ERBB4: variants seen among roughly 807,000 people sequenced by gnomAD.
The protein encoded by ERBB4 is receptor tyrosine-protein kinase erbB-4.
In ERBB4, 42 loss-of-function variants were observed where a neutral mutation model predicts 158.0. The observed-to-expected ratio is 0.27, with a 90% CI of 0.21 to 0.34. The LOEUF is 0.34. Ranked by LOEUF, ERBB4 falls within the 10% of genes least tolerant of loss-of-function variation. The pLI is 1.00. For missense variants in ERBB4, 1,333 were observed against 1,624.1 expected, an observed-to-expected ratio of 0.82 and a Z score of 3.08; for synonymous variants, 583 against 558.7, an observed-to-expected ratio of 1.04 and a Z score of -0.61.
At chr2:211,387,223 C>G in intron 26 of ERBB4, 73 bp from the exon 27 acceptor site, 6 of 1,178,036 alleles carry the variant, frequency 5.1e-6, no homozygotes, top group Non-Finnish European at 7.7e-6. Context: ...TTAATAGCCA[C>G]AAGGATATCA....
chr2:211,978,885 G>T (rs912364032), intron 2 of ERBB4, among the ~76,000 whole-genome samples: 1 of 152,032 alleles, frequency 6.6e-6, no homozygotes. Flanking sequence ...ACATCAATCT[G>T]ATTTTTAAAT....
At chr2:211,551,651 T>C (rs994385476) in intron 20 of ERBB4, among the ~76,000 whole-genome samples, 52 of 152,338 alleles carry the variant, frequency 3.4e-4, no homozygotes, top group African/African-American at 1.3e-3. Context: ...TCTAGACTAT[T>C]ATTTTTTAAA....
At chr2:211,742,318 A>G (rs1323422807) in intron 5 of ERBB4, among the ~76,000 whole-genome samples, 1 of 152,224 alleles carries the variant, frequency 6.6e-6, no homozygotes, top group Non-Finnish European at 1.5e-5. Flanking sequence ...CATGTGTGTG[A>G]GTATAATTAG....
chr2:212,193,247 G>A (rs552835037), intron 1 of ERBB4, among the ~76,000 whole-genome samples: 4 of 152,188 alleles, frequency 2.6e-5, no homozygotes, highest in East Asian at 1.9e-4. Context: ...AAGCTGTAAC[G>A]GCTGAATTGG....
At chr2:211,623,821 A>G (rs1252118806) in intron 18 of ERBB4, 101 bp downstream of exon 18, 8 of 1,142,604 alleles carry the variant, frequency 7.0e-6, no homozygotes, top group African/African-American at 1.6e-5. Flanking sequence ...TCTGAATATT[A>G]TAAGAAAATT....
At chr2:212,410,459 C>T (rs977324974) in intron 1 of ERBB4, among the ~76,000 whole-genome samples, 3 of 151,890 alleles carry the variant, frequency 2.0e-5, no homozygotes, top group African/African-American at 7.2e-5. Context: ...GGAAATCATA[C>T]GTTTTAGTGT....
intron 2 of ERBB4, among the ~76,000 whole-genome samples, chr2:212,116,876 G>T (rs1438740942): frequency 2.0e-5 from 3 of 151,890 alleles, no homozygotes; most frequent in Non-Finnish European, 4.4e-5. Context: ...AAGAGCATCA[G>T]AATTTTGAGT....
chr2:212,029,105 C>T (rs2076842637), intron 2 of ERBB4, among the ~76,000 whole-genome samples: 1 of 152,036 alleles, frequency 6.6e-6, no homozygotes, highest in South Asian at 2.1e-4. Context: ...ACTACTCCTT[C>T]CTTAGAAATT....
At chr2:212,003,185 G>GAAAGA (rs2076162660) in intron 2 of ERBB4, among the ~76,000 whole-genome samples, 5 of 66,354 alleles carry the variant, frequency 7.5e-5, no homozygotes, top group Admixed American at 6.9e-4. Flanking sequence ...AAGAAAGAAA[G>GAAAGA]AAAGAAAGAA....
At chr2:211,856,920 G>A (rs7592726) in intron 3 of ERBB4, among the ~76,000 whole-genome samples, 32,249 of 152,018 alleles carry the variant, frequency 0.21, 3,571 homozygotes, top group South Asian at 0.32. Context: ...ACAATCAACA[G>A]ATTTAGATCT....
At chr2:211,881,504 C>A (rs1553654451) in intron 3 of ERBB4, among the ~76,000 whole-genome samples, 1 of 133,354 alleles carries the variant, frequency 7.5e-6, no homozygotes, top group Non-Finnish European at 1.5e-5. Flanking sequence ...TCCATCTTCC[C>A]TTTTTTTGTT....
intron 2 of ERBB4, among the ~76,000 whole-genome samples, chr2:211,985,987 G>A (rs1201082693): frequency 6.6e-6 from 1 of 152,182 alleles, no homozygotes; most frequent in African/African-American, 2.4e-5. Flanking sequence ...GTTAAGATCA[G>A]GTAGTACTGA....
At chr2:212,231,229 T>G (rs1574482153) in intron 1 of ERBB4, among the ~76,000 whole-genome samples, 1 of 151,614 alleles carries the variant, frequency 6.6e-6, no homozygotes, top group Admixed American at 6.6e-5. Flanking sequence ...GATTTCACAC[T>G]AAGAATGAAG....
chr2:212,031,698 T>C (rs747000963), intron 2 of ERBB4, among the ~76,000 whole-genome samples: 1 of 152,126 alleles, frequency 6.6e-6, no homozygotes, highest in Non-Finnish European at 1.5e-5. Context: ...TTCAAAAGTG[T>C]CCCAGTTTGA....
At chr2:212,068,493 A>C (rs2078008691) in intron 2 of ERBB4, among the ~76,000 whole-genome samples, 1 of 152,010 alleles carries the variant, frequency 6.6e-6, no homozygotes, top group African/African-American at 2.4e-5. Flanking sequence ...GATAACAGCC[A>C]ATTTCCCAAA....
At chr2:212,318,452 T>A (rs1355219624) in intron 1 of ERBB4, among the ~76,000 whole-genome samples, 3 of 151,580 alleles carry the variant, frequency 2.0e-5, no homozygotes, top group Non-Finnish European at 4.4e-5. Flanking sequence ...GGGATTGTTT[T>A]CAATTAGTTA....
intron 1 of ERBB4, among the ~76,000 whole-genome samples, chr2:212,493,576 T>C (rs1284538311): frequency 6.6e-6 from 1 of 151,688 alleles, no homozygotes. Flanking sequence ...AGACACATAG[T>C]TCAAATTTCA....
rs75677386 is a variant in ERBB4 at position 212,404,472 on chromosome 2, T to A, written c.82+133977A>T. On this transcript the variant is annotated intron_variant, in intron 1 of 27. Coordinates refer to ENST00000342788, the MANE Select transcript of ERBB4 (RefSeq NM_005235.3). ...CAATGACTATGTGCCCAACACCTAG[T>A]GCCAAGAAAAAAACCTCTGTCCTTA... 2.4e-3 allele frequency among the ~76,000 whole-genome samples: 370 copies of A among 151,996 alleles called. 2 individuals carry two copies. Among genetic ancestry groups the A allele is most frequent in the African/African-American group, 8.7e-3 (361 of 41,504 alleles).
chr2:211,866,926 T>G (rs1275875778), intron 3 of ERBB4, among the ~76,000 whole-genome samples: 1 of 144,756 alleles, frequency 6.9e-6, no homozygotes, highest in African/African-American at 2.6e-5. Context: ...TTTAGAGTGC[T>G]CCCCTCCCTC....
Sources: gnomAD v4.1 joint callset for allele counts (sites outside exome capture counted in the v4.1 genomes callset) on GRCh38, gnomAD v4.1.1 for gene constraint, MANE v1.5 for transcripts, NCBI Gene and HGNC (gene_info 2026-07-23, HGNC 2026-07-21) for gene names.